NBR1: variants seen among roughly 807,000 people sequenced by gnomAD.
The protein encoded by NBR1 is NBR1 autophagy cargo receptor, also known as next to BRCA1 gene 1 protein.
A neutral mutation model predicts 115.5 loss-of-function variants in NBR1; 59 were observed. That is an observed-to-expected ratio of 0.51 (90% CI 0.41 to 0.63). The LOEUF is 0.63. NBR1 is among the 30% of genes least tolerant of loss of function. The pLI is 0.00. For missense variants in NBR1, 1,043 were observed against 1,150.5 expected, an observed-to-expected ratio of 0.91 and a Z score of 1.35; for synonymous variants, 373 against 414.7, an observed-to-expected ratio of 0.90 and a Z score of 1.22.
chr17:43,195,119 T>C (rs1356044596), intron 14 of NBR1, 80 bp downstream of exon 14: 2 of 1,087,390 alleles, frequency 1.8e-6, no homozygotes, highest in African/African-American at 1.6e-5. Context: ...GGTAGTGTTT[T>C]ATTCTGAGGA....
At chr17:43,198,169 A>G (rs1363558282) in intron 16 of NBR1, among the ~76,000 whole-genome samples, 1 of 147,868 alleles carries the variant, frequency 6.8e-6, no homozygotes, top group Admixed American at 6.7e-5. Flanking sequence ...CTCCGTCTCA[A>G]AAAAAAAAAA....
At chr17:43,202,048 C>T (rs182253172) in intron 18 of NBR1, among the ~76,000 whole-genome samples, 217 of 152,010 alleles carry the variant, frequency 1.4e-3, no homozygotes, top group Non-Finnish European at 2.2e-3. Context: ...GGCATGGTGG[C>T]GGGCACCTGT....
chr17:43,179,447 A>G (rs200464077), intron 4 of NBR1, 35 bp downstream of exon 4: 24 of 1,594,372 alleles, frequency 1.5e-5, no homozygotes, highest in Non-Finnish European at 2.1e-5. Flanking sequence ...AGCCTTGTTT[A>G]AAAACCTTAA....
intron 10 of NBR1, among the ~76,000 whole-genome samples, 187 bp downstream of exon 10, chr17:43,191,768 C>T (rs996669606): frequency 6.6e-6 from 1 of 152,182 alleles, no homozygotes; most frequent in African/African-American, 2.4e-5. Flanking sequence ...GTCACCCAGG[C>T]GGTAGTGCAG....
At position 43,210,220 on chromosome 17, in the gene NBR1, A is replaced by G. The variant is rs2057394503; in HGVS notation, c.*146A>G. On this transcript the variant is annotated 3_prime_UTR_variant, in exon 21 of 21. Transcript: ENST00000590996. ...TTGAGTTACCAAGACAATACCTGCT[A>G]CAGTATTTTGGGGAGCAAACTAAAG... The G allele has an allele frequency of 7.6e-6, 5 of 654,134 alleles. No individual in the cohort carries two copies. Among genetic ancestry groups the G allele is most frequent in the Non-Finnish European group, 1.1e-5 (5 of 441,560 alleles). The allele number at this position is 654,134 out of a possible 1,614,324, so 40.5% of individuals were successfully genotyped here.
At position 43,210,798 on chromosome 17, in the gene NBR1, G is replaced by T; in HGVS notation, c.*724G>T. ...TAATTTTGCATACATTTTTATTTAAGGGAAAAAATATAGGTATTGTGAAAT... is the reference window on the plus strand; with the variant it reads ...TAATTTTGCATACATTTTTATTTAATGGAAAAAATATAGGTATTGTGAAAT... On this transcript the variant is annotated 3_prime_UTR_variant, in exon 21 of 21. Coordinates refer to ENST00000590996, the MANE Select transcript of NBR1 (RefSeq NM_005899.5). The T allele has an allele frequency of 2.5e-6, 1 of 398,156 alleles. No individual in the cohort carries two copies. Among genetic ancestry groups the T allele is most frequent in the South Asian group, 1.3e-4 (1 of 7,810 alleles). The allele number at this position is 398,156 out of a possible 1,614,324, so 24.7% of individuals were successfully genotyped here. A position where few individuals can be genotyped will look rare whatever the true frequency, so the allele number is the denominator to read the frequency against.
At position 43,203,152 on chromosome 17, in the gene NBR1, C is replaced by CA. The variant is rs936549713; in HGVS notation, c.2621+452dup. ...GCCTGGCTGACAAGTGAAACAACATCAAAAAAAAAAAAGAGTGTTTTATGT... is the reference window on the plus strand; with the variant it reads ...GCCTGGCTGACAAGTGAAACAACATCAAAAAAAAAAAAAGAGTGTTTTATGT... On this transcript the variant is annotated intron_variant, in intron 19 of 20. Coordinates refer to ENST00000590996, the MANE Select transcript of NBR1 (RefSeq NM_005899.5). Among the ~76,000 whole-genome samples, 1,201 of 138,252 alleles carry CA rather than the reference C, an allele frequency of 8.7e-3. 7 individuals are homozygous for CA. Among genetic ancestry groups the CA allele is most frequent in the Non-Finnish European group, 0.015 (950 of 63,238 alleles). 90.7% of individuals were successfully genotyped at this position (138,252 alleles called of 152,430 possible).
At position 43,179,407 on chromosome 17, in the gene NBR1, G is replaced by A; in HGVS notation, c.179G>A (p.Ser60Asn). 1 of 1,612,864 alleles carries A rather than the reference G, an allele frequency of 6.2e-7. No homozygotes were observed. The highest frequency in any genetic ancestry group is 8.5e-7 in the Non-Finnish European group (1 of 1,178,982). ...TTCCTTTTATAGGTATCCATCAACA[G>A]TCAAGGTGAGTCCCTAAGAGAGTCT... ...DEENEEVSIN[S>N]QGEYEEALKM... Residue 60 changes from serine to asparagine, a missense_variant, in exon 4 of 21, where the codon AGT (serine) becomes AAT (asparagine). Ser to Asn is a conservative substitution (Grantham distance 46). Coordinates refer to ENST00000590996, the MANE Select transcript of NBR1 (RefSeq NM_005899.5).
Position 43,210,282 on chromosome 17 carries a change from A to G in NBR1, c.*208A>G. 1 of 414,904 alleles carries G rather than the reference A, an allele frequency of 2.4e-6. No homozygotes were observed. Among genetic ancestry groups the G allele is most frequent in the Non-Finnish European group, 4.2e-6 (1 of 238,866 alleles). 25.7% of individuals were successfully genotyped at this position (414,904 alleles called of 1,614,324 possible). A position where few individuals can be genotyped will look rare whatever the true frequency, so the allele number is the denominator to read the frequency against. ...AATTTTCACTTTAGACATTGGATGA[A>G]TAGTATGAAGACAGTTTTTCAGTTG... On this transcript the variant is annotated 3_prime_UTR_variant, in exon 21 of 21. Coordinates refer to ENST00000590996, the MANE Select transcript of NBR1 (RefSeq NM_005899.5).
intron 16 of NBR1, among the ~76,000 whole-genome samples, chr17:43,199,125 A>G (rs1161851748): frequency 3.3e-5 from 5 of 150,924 alleles, no homozygotes; most frequent in Non-Finnish European, 1.5e-5. Flanking sequence ...TCACTCGCCC[A>G]GGCTAAAGTG....
At position 43,179,419 on chromosome 17, in the gene NBR1, C is replaced by T; in HGVS notation, c.184+7C>T. ...GTATCCATCAACAGTCAAGGTGAGT[C>T]CCTAAGAGAGTCTGTTCAGCCTTGT... On this transcript the variant is annotated splice_region_variant and intron_variant, in intron 4 of 20. Coordinates refer to ENST00000590996, the MANE Select transcript of NBR1 (RefSeq NM_005899.5). The T allele has an allele frequency of 6.2e-7, 1 of 1,612,230 alleles. No individual in the cohort carries two copies. Among genetic ancestry groups the T allele is most frequent in the South Asian group, 1.1e-5 (1 of 91,016 alleles).
chr17:43,203,027 G>A (rs1399595435), intron 19 of NBR1, among the ~76,000 whole-genome samples: 2 of 152,060 alleles, frequency 1.3e-5, no homozygotes, highest in African/African-American at 4.8e-5. Context: ...ATGGTGGCGG[G>A]CACCTGTAAT....
At chr17:43,202,815 A>G (rs553957995) in intron 19 of NBR1, 103 bp downstream of exon 19, 3 of 860,440 alleles carry the variant, frequency 3.5e-6, no homozygotes, top group Non-Finnish European at 5.5e-6. Context: ...TTCAGAGAGC[A>G]GAGAAGGGGA....
chr17:43,206,305 C>T (rs761256729), intron 20 of NBR1, among the ~76,000 whole-genome samples: 13 of 151,982 alleles, frequency 8.6e-5, no homozygotes, highest in Non-Finnish European at 2.9e-5. Context: ...AAGTGATTGA[C>T]ATGATGAGAT....
chr17:43,173,016 C>G (rs951952179), intron 1 of NBR1, among the ~76,000 whole-genome samples: 1 of 151,992 alleles, frequency 6.6e-6, no homozygotes, highest in Non-Finnish European at 1.5e-5. Context: ...TTAGTAGAGA[C>G]GGGGTTTCAC....
chr17:43,193,107 C>G lies in NBR1; in HGVS notation c.1087C>G (p.Pro363Ala), dbSNP rs1454193195. 2 of 1,613,916 alleles carry G rather than the reference C, an allele frequency of 1.2e-6. No homozygotes were observed. Among genetic ancestry groups the G allele is most frequent in the Non-Finnish European group, 1.7e-6 (2 of 1,179,860 alleles). The change falls in exon 11 of 21, where the codon CCC becomes GCC. Residue 363 changes from proline to alanine, a missense_variant. Physicochemically the swap from Pro to Ala is conservative, Grantham distance 27 (BLOSUM62 -1). Coordinates refer to ENST00000590996, the MANE Select transcript of NBR1 (RefSeq NM_005899.5). ...ATTTCTGTTCAGGCTCCCTTTGCAGCCCTGTACCTCCGTTATGCCAATGCT... is the reference window on the plus strand; with the variant it reads ...ATTTCTGTTCAGGCTCCCTTTGCAGGCCTGTACCTCCGTTATGCCAATGCT... Reference protein sequence around the residue: ...QSNTLMLPLQPCTSVMPMLSA... With the variant: ...QSNTLMLPLQACTSVMPMLSA...
Position 43,190,745 on chromosome 17 carries a change from C to G in NBR1, c.832C>G (p.Pro278Ala). The G allele has an allele frequency of 6.2e-7, 1 of 1,609,990 alleles. No individual in the cohort carries two copies. The highest frequency in any genetic ancestry group is 1.1e-5 in the South Asian group (1 of 90,694). Residue 278 changes from proline (P) to alanine (A), a missense_variant, in exon 9 of 21, where the codon CCT (proline) becomes GCT (alanine). Pro to Ala is a conservative substitution (Grantham distance 27). Transcript: ENST00000590996. The part of the protein sequence containing the change: ...EPFCHSKYST[P>A]RLPAALEQVR... The stretch of plus-strand genomic sequence containing the variant: ...GTTCTGTCACTCAAAGTACTCTACT[C>G]CTCGTCTTCCTGCTGCTCTGGAACA...
chr17:43,185,488 C>T (rs2056779056), intron 5 of NBR1, among the ~76,000 whole-genome samples: 11 of 152,122 alleles, frequency 7.2e-5, no homozygotes, highest in Admixed American at 7.2e-4. Context: ...TAGTTGAACT[C>T]AGGTGTCCAA....
chr17:43,173,061 C>T (rs1310263311), intron 1 of NBR1, among the ~76,000 whole-genome samples: 2 of 152,076 alleles, frequency 1.3e-5, no homozygotes, highest in Non-Finnish European at 2.9e-5. Flanking sequence ...CTCCTGACCT[C>T]GTGATCCACC....
Sources: allele counts gnomAD v4.1 joint callset (sites outside exome capture counted in the v4.1 genomes callset), GRCh38; gene constraint gnomAD v4.1.1; transcripts MANE v1.5; gene names NCBI Gene and HGNC (gene_info 2026-07-23, HGNC 2026-07-21).